FLYWCH1: variants seen among roughly 807,000 people sequenced by gnomAD.
FLYWCH1 encodes FLYWCH-type zinc finger-containing protein 1.
FLYWCH1 carries 75 observed loss-of-function variants against 66.4 expected under a neutral mutation model. The observed-to-expected ratio is 1.13, with a 90% CI of 0.94 to 1.37. FLYWCH1 has a LOEUF of 1.37. FLYWCH1 is among the 40% of genes most tolerant of loss of function. The pLI is 0.00. For synonymous variants in FLYWCH1, 595 were observed against 429.9 expected, an observed-to-expected ratio of 1.38 and a Z score of -4.75; for missense variants, 1,334 against 1,001.8, an observed-to-expected ratio of 1.33 and a Z score of -4.48.
At chr16:2,926,237 A>G (rs567529585) in intron 2 of FLYWCH1, among the ~76,000 whole-genome samples, 3 of 152,356 alleles carry the variant, frequency 2.0e-5, no homozygotes, top group Non-Finnish European at 4.4e-5. Context: ...CAGAACAAGG[A>G]ACTTTAGATC....
chr16:2,935,821 G>A (rs1313614666), intron 6 of FLYWCH1: 6 of 152,400 alleles, frequency 3.9e-5, no homozygotes, highest in Non-Finnish European at 7.3e-5. Flanking sequence ...TTCATCGTGG[G>A]GTCATCCTCT....
intron 9 of FLYWCH1, among the ~76,000 whole-genome samples, chr16:2,948,096 G>A (rs969371027): frequency 6.6e-6 from 1 of 152,102 alleles, no homozygotes; most frequent in Non-Finnish European, 1.5e-5. Flanking sequence ...GAACCTTGAG[G>A]CTTGGGTGTG....
At chr16:2,931,575 C>G (rs974828478) in intron 4 of FLYWCH1, among the ~76,000 whole-genome samples, 1 of 151,922 alleles carries the variant, frequency 6.6e-6, no homozygotes, top group Admixed American at 6.6e-5. Flanking sequence ...GGGATCACGC[C>G]ACTGCCCTCC....
At chr16:2,925,588 T>G (rs1252609281) in intron 2 of FLYWCH1, among the ~76,000 whole-genome samples, 1,530 of 76,504 alleles carry the variant, frequency 0.02, 18 homozygotes, top group Non-Finnish European at 0.029. Context: ...GGGAGGGGGG[T>G]ACGGGGCTTT....
chr16:2,925,428 G>GGTCCCACCCT, intron 2 of FLYWCH1, among the ~76,000 whole-genome samples: 1 of 142,678 alleles, frequency 7.0e-6, no homozygotes, highest in Non-Finnish European at 1.5e-5. Context: ...GGTCCCACCC[G>GGTCCCACCCT]GTCCCACCCA....
At chr16:2,934,252 C>G (rs1282663721) in intron 6 of FLYWCH1, among the ~76,000 whole-genome samples, 3 of 152,188 alleles carry the variant, frequency 2.0e-5, no homozygotes, top group Admixed American at 1.3e-4. Flanking sequence ...CCTCCTCTTC[C>G]TCCGTTTGTC....
intron 8 of FLYWCH1, among the ~76,000 whole-genome samples, chr16:2,938,882 G>A (rs1360872464): frequency 1.3e-5 from 2 of 150,714 alleles, no homozygotes; most frequent in East Asian, 4.0e-4. Flanking sequence ...AAAGTGCTAG[G>A]ATTACAGGCG....
chr16:2,926,241 T>G (rs945373605), intron 2 of FLYWCH1, among the ~76,000 whole-genome samples: 13 of 152,196 alleles, frequency 8.5e-5, no homozygotes, highest in African/African-American at 3.1e-4. Flanking sequence ...ACAAGGAACT[T>G]TAGATCTAAA....
intron 2 of FLYWCH1, among the ~76,000 whole-genome samples, chr16:2,924,112 C>T (rs895828524): frequency 5.9e-5 from 9 of 152,150 alleles, no homozygotes; most frequent in African/African-American, 2.2e-4. Flanking sequence ...AGGCGGATCA[C>T]GAGGTCAGGA....
chr16:2,929,261 C>T (rs1400065442), intron 2 of FLYWCH1, among the ~76,000 whole-genome samples: 1 of 152,180 alleles, frequency 6.6e-6, no homozygotes, highest in African/African-American at 2.4e-5. Context: ...GAACGTTCTG[C>T]CGTCATAATG....
intron 3 of FLYWCH1, 103 bp downstream of exon 3, chr16:2,930,113 C>T: frequency 9.6e-7 from 1 of 1,045,808 alleles, no homozygotes; most frequent in Non-Finnish European, 1.4e-6. Context: ...GTCCTTGCTC[C>T]AAGCTCAGCC....
chr16:2,943,702 G>T (rs550453813), intron 9 of FLYWCH1: 2 of 152,310 alleles, frequency 1.3e-5, no homozygotes, highest in South Asian at 2.1e-4. Context: ...TTGGGAGGCC[G>T]AGGTGGGCGG....
At chr16:2,927,197 G>T in intron 2 of FLYWCH1, among the ~76,000 whole-genome samples, 1 of 152,024 alleles carries the variant, frequency 6.6e-6, no homozygotes, top group Middle Eastern at 3.4e-3. Context: ...TGTGTCCTCA[G>T]CCGCCCACTA....
chr16:2,933,890 G>T lies in FLYWCH1; in HGVS notation c.1424G>T (p.Arg475Leu). 1.3e-6 allele frequency: 2 copies of T among 1,590,978 alleles called. No individual in the cohort carries two copies. The highest frequency in any genetic ancestry group is 1.7e-6 in the Non-Finnish European group (2 of 1,169,260). The change falls in exon 6 of 10, where the codon CGT becomes CTT. Residue 475 changes from arginine to leucine, a missense_variant. Physicochemically the swap from Arg to Leu is moderately radical, Grantham distance 102. Coordinates refer to ENST00000253928, the MANE Select transcript of FLYWCH1 (RefSeq NM_001308068.2). ...ITQGRRVTVM[R>L]GHCHPPDLGG... is the part of the protein sequence containing the mutation. ...CAGGGCCGACGGGTGACTGTCATGC[G>T]TGGTCACTGCCACCCGCCCGACCTG...
chr16:2,928,671 C>A (rs1240218761), intron 2 of FLYWCH1, among the ~76,000 whole-genome samples: 1 of 152,016 alleles, frequency 6.6e-6, no homozygotes. Flanking sequence ...CTTATGTCTT[C>A]CTTTCCTACA....
intron 9 of FLYWCH1, among the ~76,000 whole-genome samples, chr16:2,948,466 G>A (rs1236761867): frequency 6.6e-6 from 1 of 152,094 alleles, no homozygotes; most frequent in Non-Finnish European, 1.5e-5. Flanking sequence ...AGGAGGCTGA[G>A]GTGGGAGAAT....
In FLYWCH1 at chr16:2,933,860, T is replaced by C; in HGVS notation, c.1394T>C (p.Ile465Thr). 1 of 1,605,448 alleles carries C rather than the reference T, an allele frequency of 6.2e-7. No homozygotes were observed. Among genetic ancestry groups the C allele is most frequent in the Non-Finnish European group, 8.5e-7 (1 of 1,176,410 alleles). The change falls in exon 6 of 10, where the codon ATC (isoleucine) becomes ACC (threonine). Residue 465 changes from isoleucine to threonine, a missense_variant. By Grantham distance (89) the Ile-to-Thr change is moderately conservative (BLOSUM62 -1). Transcript: ENST00000253928. Reference sequence around the variant, plus strand: ...CGCATGGGCTGCCGCAGCCGCGCCATCACCCAGGGCCGACGGGTGACTGTC... The same window carrying C: ...CGCATGGGCTGCCGCAGCCGCGCCACCACCCAGGGCCGACGGGTGACTGTC... ...QARMGCRSRA[I>T]TQGRRVTVMR... is the part of the protein sequence containing the mutation.
chr16:2,943,591 A>G (rs2071359476), intron 9 of FLYWCH1: 1 of 151,782 alleles, frequency 6.6e-6, no homozygotes, highest in Admixed American at 6.6e-5. Flanking sequence ...ACATTCAACA[A>G]ACTAGGAATA....
chr16:2,930,966 C>T, intron 4 of FLYWCH1, 86 bp downstream of exon 4: 2 of 1,031,566 alleles, frequency 1.9e-6, no homozygotes, highest in Middle Eastern at 3.1e-4. Flanking sequence ...ATGTGGGGTC[C>T]CACAGGGTCT....
Sources: allele counts gnomAD v4.1 joint callset (sites outside exome capture counted in the v4.1 genomes callset), GRCh38; gene constraint gnomAD v4.1.1; transcripts MANE v1.5; gene names NCBI Gene and HGNC (gene_info 2026-07-23, HGNC 2026-07-21).